Variants in NUDT4 observed in about 807,000 individuals in gnomAD.
NUDT4 encodes nudix hydrolase 4.
In NUDT4, 5 loss-of-function variants were observed where a neutral mutation model predicts 23.1. The ratio of observed to expected loss-of-function variants is 0.22; its 90% CI spans 0.11 to 0.46. NUDT4 has a LOEUF of 0.46. Among genes scored for constraint, NUDT4 ranks in the 20% least tolerant of loss-of-function variants. NUDT4 has a pLI of 0.99. For missense variants in NUDT4, 96 were observed against 211.6 expected (o/e 0.45, Z 3.39); for synonymous variants, 50 against 79.0 (o/e 0.63, Z 1.95).
chr12:93,387,259 A>T (rs768241028), intron 1 of NUDT4, among the ~76,000 whole-genome samples: 8 of 152,178 alleles, frequency 5.3e-5, no homozygotes, highest in African/African-American at 1.9e-4. Flanking sequence ...TGCTCTTTAC[A>T]AAACGTGTTT....
chr12:93,388,127 T>C (rs1372787701), intron 1 of NUDT4, among the ~76,000 whole-genome samples: 1 of 152,262 alleles, frequency 6.6e-6, no homozygotes, highest in East Asian at 1.9e-4. Flanking sequence ...CAGTCATTTC[T>C]ATATCACAGA....
At chr12:93,379,183 CGTTCT>C (rs1388008567) in intron 1 of NUDT4, among the ~76,000 whole-genome samples, 5 of 152,302 alleles carry the variant, frequency 3.3e-5, no homozygotes, top group African/African-American at 1.2e-4. Flanking sequence ...TAGCCTTTCT[CGTTCT>C]CAGAGCAGTC....
intron 1 of NUDT4, among the ~76,000 whole-genome samples, chr12:93,382,928 T>C (rs1439497392): frequency 1.3e-5 from 2 of 152,154 alleles, no homozygotes; most frequent in Non-Finnish European, 2.9e-5. Context: ...CCCAAAGTGC[T>C]GGGATTACAG....
chr12:93,382,807 A>G (rs10859489), intron 1 of NUDT4, among the ~76,000 whole-genome samples: 38,328 of 151,512 alleles, frequency 0.25, 5,240 homozygotes, highest in East Asian at 0.54. Context: ...GACTACAGGC[A>G]GCCGCCACCA....
intron 1 of NUDT4, 51 bp from the exon 2 acceptor site, chr12:93,394,558 A>G (rs1406204924): frequency 1.0e-6 from 1 of 994,724 alleles, no homozygotes; most frequent in East Asian, 2.6e-5. Flanking sequence ...TGTTGTTTAT[A>G]TACGAAGTGC....
intron 1 of NUDT4, among the ~76,000 whole-genome samples, chr12:93,385,850 C>T (rs1247728040): frequency 1.4e-5 from 2 of 141,900 alleles, no homozygotes; most frequent in Non-Finnish European, 1.5e-5. Flanking sequence ...CCAAAACAAG[C>T]CAAAAAAAAA....
At position 93,395,400 on chromosome 12, in the gene NUDT4, A is replaced by G. The variant is rs1876863988; in HGVS notation, c.211-89A>G. ...GGGGAGGGGTATTGTATTTAATTAGATTTAAGTAAATAGCCAGAGTGTAAC... is the reference window on the plus strand; with the variant it reads ...GGGGAGGGGTATTGTATTTAATTAGGTTTAAGTAAATAGCCAGAGTGTAAC... On this transcript the variant is annotated intron_variant, in intron 2 of 4. Transcript: ENST00000415493. 6.4e-6 allele frequency: 6 copies of G among 933,346 alleles called. No homozygotes were observed. In the East Asian group the frequency reaches 1.6e-4, roughly 24 times the overall value. 57.8% of individuals were successfully genotyped at this position (933,346 alleles called of 1,614,324 possible).
intron 1 of NUDT4, among the ~76,000 whole-genome samples, chr12:93,382,274 AAAAAAAACAAC>A (rs1451673620): frequency 6.6e-6 from 1 of 151,814 alleles, no homozygotes; most frequent in Non-Finnish European, 1.5e-5. Context: ...CAAAAAAAAA[AAAAAAAACAAC>A]AAAAAAAACC....
Position 93,407,619 on chromosome 12 carries a change from G to A in NUDT4, c.*8240G>A, listed in dbSNP as rs144380439. The A allele has an allele frequency of 6.6e-6, 1 of 152,212 alleles. No homozygotes were observed. Among genetic ancestry groups the A allele is most frequent in the Non-Finnish European group, 1.5e-5 (1 of 68,032 alleles). 9.4% of individuals were successfully genotyped at this position (152,212 alleles called of 1,614,324 possible). On this transcript the variant is annotated 3_prime_UTR_variant, in exon 5 of 5. Coordinates refer to ENST00000415493, the MANE Select transcript of NUDT4 (RefSeq NM_019094.6). ...TGCACAAAGGTGGGTCAGGTCTACT[G>A]TTGCCAGATCTTCAGATCATTCAAA...
chr12:93,389,630 C>T (rs74378086), intron 1 of NUDT4, among the ~76,000 whole-genome samples: 2,784 of 151,568 alleles, frequency 0.018, 46 homozygotes, highest in Non-Finnish European at 0.03. Flanking sequence ...AGACCGGGCG[C>T]GGTGGCTGAC....
intron 1 of NUDT4, among the ~76,000 whole-genome samples, chr12:93,389,256 T>G (rs1876315188): frequency 3.9e-5 from 6 of 152,106 alleles, no homozygotes. Context: ...GCAGATCACC[T>G]GAGGTCTGGA....
intron 1 of NUDT4, among the ~76,000 whole-genome samples, chr12:93,394,293 C>T (rs924272360): frequency 1.8e-4 from 28 of 152,128 alleles, no homozygotes; most frequent in African/African-American, 3.6e-4. Context: ...TGAGCCACCG[C>T]GCCCAGCCAA....
At position 93,406,373 on chromosome 12, in the gene NUDT4, A is replaced by G. The variant is rs1344756961; in HGVS notation, c.*6994A>G. 2.0e-5 allele frequency: 3 copies of G among 148,606 alleles called. No individual in the cohort carries two copies. Among genetic ancestry groups the G allele is most frequent in the African/African-American group, 7.4e-5 (3 of 40,324 alleles). 9.2% of individuals were successfully genotyped at this position (148,606 alleles called of 1,614,324 possible). A position where few individuals can be genotyped will look rare whatever the true frequency, so the allele number is the denominator to read the frequency against. On this transcript the variant is annotated 3_prime_UTR_variant, in exon 5 of 5. Coordinates refer to ENST00000415493, the MANE Select transcript of NUDT4 (RefSeq NM_019094.6). ...CATTTCCTCGATCCAATTTAGTTCC[A>G]CTTAGGTCACTGTGTTTATAATGTC...
At chr12:93,378,705 C>T (rs1379089750) in intron 1 of NUDT4, 2 of 1,128,606 alleles carry the variant, frequency 1.8e-6, no homozygotes, top group Non-Finnish European at 2.2e-6. Flanking sequence ...TAAGTCTCGC[C>T]TAGCGGGAGT....
Position 93,403,646 on chromosome 12 carries a change from A to G in NUDT4, c.*4267A>G, listed in dbSNP as rs1877627579. On this transcript the variant is annotated 3_prime_UTR_variant, in exon 5 of 5. Transcript: ENST00000415493. ...TCTTGGTGTTTTTACATCCTTCAGT[A>G]TTTTTCAAGGTTTTACAGCTTTTTT... is the stretch of plus-strand genomic sequence containing the variant. 6.6e-6 allele frequency: 1 copy of G among 152,022 alleles called. No individual in the cohort carries two copies. The highest frequency in any genetic ancestry group is 1.5e-5 in the Non-Finnish European group (1 of 67,990). The allele number at this position is 152,022 out of a possible 1,614,324, so 9.4% of individuals were successfully genotyped here. A position where few individuals can be genotyped will look rare whatever the true frequency, so the allele number is the denominator to read the frequency against.
At chr12:93,387,009 C>G (rs911705754) in intron 1 of NUDT4, among the ~76,000 whole-genome samples, 1 of 152,158 alleles carries the variant, frequency 6.6e-6, no homozygotes, top group Non-Finnish European at 1.5e-5. Flanking sequence ...TCTCAGCTCA[C>G]TGCAAACCGC....
intron 3 of NUDT4, among the ~76,000 whole-genome samples, chr12:93,397,351 C>T (rs914939937): frequency 6.6e-6 from 1 of 152,016 alleles, no homozygotes; most frequent in Admixed American, 6.6e-5. Flanking sequence ...ATAATCCTTC[C>T]CAGCTGTAAA....
rs575340766 is a variant in NUDT4, at chr12:93,404,214, A to C, written c.*4835A>C. The C allele has an allele frequency of 2.6e-5, 4 of 152,244 alleles. No individual in the cohort carries two copies. Among genetic ancestry groups the C allele is most frequent in the African/African-American group, 4.8e-5 (2 of 41,470 alleles). 9.4% of individuals were successfully genotyped at this position (152,244 alleles called of 1,614,324 possible). On this transcript the variant is annotated 3_prime_UTR_variant, in exon 5 of 5. Coordinates refer to ENST00000415493, the MANE Select transcript of NUDT4 (RefSeq NM_019094.6). ...ACGAAGTAAATATACTAGGAATTCA[A>C]CGTATCTACGGGAATGTGGACAAAG...
At chr12:93,387,184 G>T (rs752187583) in intron 1 of NUDT4, among the ~76,000 whole-genome samples, 92 of 152,084 alleles carry the variant, frequency 6.0e-4, no homozygotes, top group Non-Finnish European at 1.0e-3. Context: ...CTCCTGCCTC[G>T]GCCTCCCAAA....
Sources: allele counts gnomAD v4.1 joint callset (sites outside exome capture counted in the v4.1 genomes callset), GRCh38; gene constraint gnomAD v4.1.1; transcripts MANE v1.5; gene names NCBI Gene and HGNC (gene_info 2026-07-23, HGNC 2026-07-21).